BCL11B: variants seen among roughly 807,000 people sequenced by gnomAD.
BCL11B encodes the protein BCL11 transcription factor B.
BCL11B carries 8 observed loss-of-function variants against 49.9 expected under a neutral mutation model. The observed-to-expected ratio is 0.16, with a 90% confidence interval of 0.09 to 0.29. The LOEUF (loss-of-function observed/expected upper bound fraction) is 0.29. BCL11B is among the 10% of genes least tolerant of loss of function. The pLI is 1.00. For synonymous variants in BCL11B, 739 were observed against 637.4 expected, an observed-to-expected ratio of 1.16 and a Z score of -2.40; for missense variants, 1,006 against 1,351.0, an observed-to-expected ratio of 0.74 and a Z score of 4.00.
intron 1 of BCL11B, among the ~76,000 whole-genome samples, chr14:99,258,880 T>C (rs894337099): frequency 1.4e-5 from 2 of 138,694 alleles, no homozygotes; most frequent in African/African-American, 5.2e-5. Context: ...TAGCAGCCGA[T>C]AGATTTCTCT....
chr14:99,179,895 A>C (rs1019509811), intron 3 of BCL11B, among the ~76,000 whole-genome samples: 8 of 152,192 alleles, frequency 5.3e-5, no homozygotes, highest in Admixed American at 2.6e-4. Flanking sequence ...GCTCACTTTC[A>C]GAAATGGAAC....
intron 3 of BCL11B, among the ~76,000 whole-genome samples, chr14:99,211,097 C>A (rs1025167889): frequency 3.3e-5 from 5 of 152,188 alleles, no homozygotes; most frequent in Non-Finnish European, 5.9e-5. Flanking sequence ...TCCACACATG[C>A]GTACCCAGGT....
At chr14:99,256,135 G>A (rs1363064920) in intron 2 of BCL11B, among the ~76,000 whole-genome samples, 1 of 152,196 alleles carries the variant, frequency 6.6e-6, no homozygotes, top group Non-Finnish European at 1.5e-5. Flanking sequence ...CCTGGGTGAT[G>A]GGTCTTGATC....
intron 2 of BCL11B, among the ~76,000 whole-genome samples, chr14:99,238,105 G>C (rs1888557873): frequency 6.6e-6 from 1 of 152,022 alleles, no homozygotes. Context: ...CCGTGAGAAG[G>C]CTTGGCCGTG....
chr14:99,193,479 G>A (rs905287912), intron 3 of BCL11B, among the ~76,000 whole-genome samples: 4 of 152,066 alleles, frequency 2.6e-5, no homozygotes, highest in African/African-American at 9.7e-5. Context: ...AAAAAAAAAG[G>A]GGACATTATT....
rs1219804599 is a variant in BCL11B, at chr14:99,271,317, C to T, written c.-99G>A. ...GCCGCCGCGCCGCTGCCGCCGCTGC[C>T]GCCGCCGCCGCCGCCGCCGCACCTC... On this transcript the variant is annotated 5_prime_UTR_variant, in exon 1 of 4. Transcript: ENST00000357195. The T allele has an allele frequency of 1.7e-5, 10 of 579,660 alleles. No homozygotes were observed. Among genetic ancestry groups the T allele is most frequent in the South Asian group, 7.4e-5 (1 of 13,484 alleles). 35.9% of individuals were successfully genotyped at this position (579,660 alleles called of 1,614,324 possible). A position where few individuals can be genotyped will look rare whatever the true frequency, so the allele number is the denominator to read the frequency against.
At chr14:99,214,154 C>G (rs1425011203) in intron 3 of BCL11B, among the ~76,000 whole-genome samples, 1 of 152,186 alleles carries the variant, frequency 6.6e-6, no homozygotes, top group Non-Finnish European at 1.5e-5. Flanking sequence ...ACGGCCCTGC[C>G]TGTTCCTAGC....
At chr14:99,186,973 A>T (rs1331269875) in intron 3 of BCL11B, among the ~76,000 whole-genome samples, 1 of 152,188 alleles carries the variant, frequency 6.6e-6, no homozygotes, top group Non-Finnish European at 1.5e-5. Flanking sequence ...CGATTCCAGC[A>T]AGCCTCACAT....
At chr14:99,217,242 CCACACATA>C (rs1887869729) in intron 3 of BCL11B, among the ~76,000 whole-genome samples, 1 of 152,168 alleles carries the variant, frequency 6.6e-6, no homozygotes, top group Non-Finnish European at 1.5e-5. Context: ...ATATGCACAT[CCACACATA>C]CACATATGCT....
chr14:99,266,708 C>T (rs1030353552), intron 1 of BCL11B, among the ~76,000 whole-genome samples: 2 of 152,256 alleles, frequency 1.3e-5, no homozygotes, highest in Non-Finnish European at 2.9e-5. Flanking sequence ...GCGGAGGCGC[C>T]AAGCCATGAC....
At chr14:99,197,699 G>A (rs770277186) in intron 3 of BCL11B, among the ~76,000 whole-genome samples, 2 of 152,120 alleles carry the variant, frequency 1.3e-5, no homozygotes, top group East Asian at 1.9e-4. Context: ...TATTTCTAAC[G>A]TCTCTATCTG....
At chr14:99,208,603 C>T (rs1423938206) in intron 3 of BCL11B, among the ~76,000 whole-genome samples, 1 of 152,186 alleles carries the variant, frequency 6.6e-6, no homozygotes, top group African/African-American at 2.4e-5. Flanking sequence ...GGAAAGGGGG[C>T]CTTCAGGTTC....
intron 3 of BCL11B, among the ~76,000 whole-genome samples, chr14:99,177,414 C>T (rs919324721): frequency 2.0e-5 from 3 of 151,494 alleles, no homozygotes; most frequent in East Asian, 1.9e-4. Flanking sequence ...ACATTTCCTC[C>T]GGAACCCATC....
intron 3 of BCL11B, among the ~76,000 whole-genome samples, chr14:99,223,101 T>C (rs1362053861): frequency 1.3e-5 from 2 of 152,340 alleles, no homozygotes; most frequent in African/African-American, 2.4e-5. Flanking sequence ...AAAGTAGCCC[T>C]TCCCTTCACC....
chr14:99,208,120 C>T (rs1362491393), intron 3 of BCL11B, among the ~76,000 whole-genome samples: 2 of 152,194 alleles, frequency 1.3e-5, no homozygotes, highest in Non-Finnish European at 2.9e-5. Flanking sequence ...TCCCAGGGGC[C>T]ATGCATGTTG....
intron 1 of BCL11B, among the ~76,000 whole-genome samples, chr14:99,267,314 T>C (rs1889511592): frequency 6.6e-6 from 1 of 152,130 alleles, no homozygotes; most frequent in Admixed American, 6.5e-5. Context: ...TATGCATATG[T>C]ACATCATATC....
Position 99,172,409 on chromosome 14 carries a change from T to C in BCL11B, c.*1742A>G, listed in dbSNP as rs75933888. 0.034 allele frequency: 7,336 copies of C among 214,776 alleles called. 559 individuals carry two copies. Among genetic ancestry groups the C allele is most frequent in the African/African-American group, 0.15 (6,635 of 44,318 alleles). The allele number at this position is 214,776 out of a possible 1,614,324, so 13.3% of individuals were successfully genotyped here. Reference sequence around the variant, plus strand: ...CTATCTTCAACCAGAATTTTTTTTTTTTTTACTTAAAGTAAATGTGGCTTT... The same window carrying C: ...CTATCTTCAACCAGAATTTTTTTTTCTTTTACTTAAAGTAAATGTGGCTTT... On this transcript the variant is annotated 3_prime_UTR_variant, in exon 4 of 4. Transcript: ENST00000357195.
chr14:99,253,221 C>T (rs542718813), intron 2 of BCL11B, among the ~76,000 whole-genome samples: 1 of 152,342 alleles, frequency 6.6e-6, no homozygotes, highest in African/African-American at 2.4e-5. Flanking sequence ...TGCTCCCTCA[C>T]CTGAAACCCC....
intron 1 of BCL11B, 132 bp downstream of exon 1, chr14:99,271,029 G>T: frequency 2.1e-6 from 2 of 937,030 alleles, no homozygotes; most frequent in Non-Finnish European, 3.0e-6. Flanking sequence ...CCAGGCCGAC[G>T]CCGTAGACTC....
Sources: allele counts gnomAD v4.1 joint callset (sites outside exome capture counted in the v4.1 genomes callset), GRCh38; gene constraint gnomAD v4.1.1; transcripts MANE v1.5; gene names NCBI Gene and HGNC (gene_info 2026-07-23, HGNC 2026-07-21).